The following YTHDF2 variants were observed in gnomAD, a reference collection of about 807,000 sequenced individuals.
The protein encoded by YTHDF2 is YTH N6-methyladenosine RNA binding protein F2.
Under a neutral mutation model 50.4 loss-of-function variants are expected in YTHDF2, and 2 were observed. That is an observed-to-expected ratio of 0.04 (90% CI 0.02 to 0.12). YTHDF2 has a LOEUF of 0.12. Among genes scored for constraint, YTHDF2 ranks in the 10% least tolerant of loss-of-function variants. YTHDF2 has a pLI of 1.00. For synonymous variants in YTHDF2, 217 were observed against 255.6 expected (o/e 0.85, Z 1.44); for missense variants, 483 against 722.6 (o/e 0.67, Z 3.80).
chr1:28,753,023 T>TG (rs1167218532), intron 4 of YTHDF2, among the ~76,000 whole-genome samples: 1 of 151,694 alleles, frequency 6.6e-6, no homozygotes, highest in Non-Finnish European at 1.5e-5. Context: ...CCAGCCTGGG[T>TG]GACAGCAGGA....
chr1:28,738,519 G>T (rs1386573164), intron 3 of YTHDF2, among the ~76,000 whole-genome samples, 181 bp downstream of exon 3: 2 of 151,886 alleles, frequency 1.3e-5, no homozygotes, highest in Admixed American at 6.6e-5. Flanking sequence ...ATTTCGGCTC[G>T]CTCCAACTTC....
chr1:28,754,949 C>T (rs987129646), intron 4 of YTHDF2, among the ~76,000 whole-genome samples: 2 of 129,830 alleles, frequency 1.5e-5, no homozygotes, highest in Non-Finnish European at 3.1e-5. Context: ...TGCATTCCAG[C>T]CTGGGTGACA....
intron 4 of YTHDF2, among the ~76,000 whole-genome samples, chr1:28,754,621 A>G (rs532294255): frequency 1.3e-5 from 2 of 152,132 alleles, no homozygotes; most frequent in African/African-American, 4.8e-5. Context: ...CAGGAGTTCA[A>G]GACCAGCCTG....
upstream of YTHDF2, chr1:28,736,875 G>T: frequency 6.1e-6 from 3 of 491,654 alleles, no homozygotes; most frequent in Non-Finnish European, 7.2e-6. Context: ...TCGGCGCTCT[G>T]CTTTAGGCGG....
chr1:28,751,981 C>G (rs1456400004), intron 4 of YTHDF2, among the ~76,000 whole-genome samples: 2 of 152,166 alleles, frequency 1.3e-5, no homozygotes, highest in Admixed American at 6.5e-5. Flanking sequence ...GCTATCTTAT[C>G]TAACACTGTA....
intron 4 of YTHDF2, among the ~76,000 whole-genome samples, chr1:28,764,354 C>T (rs1368803726): frequency 6.6e-6 from 1 of 151,964 alleles, no homozygotes; most frequent in Non-Finnish European, 1.5e-5. Context: ...TCACTGCATC[C>T]CCTGCCTCCT....
intron 4 of YTHDF2, among the ~76,000 whole-genome samples, chr1:28,751,331 A>G (rs906052973): frequency 1.3e-5 from 2 of 152,176 alleles, no homozygotes; most frequent in African/African-American, 4.8e-5. Context: ...ATCCTTAGGA[A>G]GTAAATAACC....
In YTHDF2 at chr1:28,738,358, C is replaced by A; in HGVS notation, c.132+20C>A. 6.3e-7 allele frequency: 1 copy of A among 1,576,260 alleles called. No homozygotes were observed. Among genetic ancestry groups the A allele is most frequent in the Non-Finnish European group, 8.7e-7 (1 of 1,145,856 alleles). On this transcript the variant is annotated intron_variant, in intron 3 of 4. Transcript: ENST00000373812. ...AGGCCCGTGAGTAGTTAACTATTTA[C>A]ATATCTAATCGAAGGGTGTGGTATA... is the stretch of plus-strand genomic sequence containing the variant.
rs550956079 is a variant in YTHDF2 at position 28,753,704 on chromosome 1, C to CT, written c.1716+9735dup. Among the ~76,000 whole-genome samples the CT allele has an allele frequency of 6.3e-3, 840 of 132,484 alleles. 6 individuals are homozygous for CT. Among genetic ancestry groups the CT allele is most frequent in the South Asian group, 0.017 (68 of 4,090 alleles). 86.9% of individuals were successfully genotyped at this position (132,484 alleles called of 152,430 possible). Reference sequence around the variant, plus strand: ...ATATGAAGAGTTTCAGGATTTTATTCTTTTTTTTTTTTTTTTTCTGAGACA... The same window carrying CT: ...ATATGAAGAGTTTCAGGATTTTATTCTTTTTTTTTTTTTTTTTTCTGAGACA... On this transcript the variant is annotated intron_variant, in intron 4 of 4. Coordinates refer to ENST00000373812, the MANE Select transcript of YTHDF2 (RefSeq NM_016258.3).
intron 4 of YTHDF2, among the ~76,000 whole-genome samples, chr1:28,768,624 T>C (rs2088256821): frequency 6.6e-6 from 1 of 152,172 alleles, no homozygotes; most frequent in Admixed American, 6.5e-5. Flanking sequence ...TCATGTATGT[T>C]TGGGTTACTT....
chr1:28,737,380 C>T (rs1309001100), intron 1 of YTHDF2: 9 of 627,968 alleles, frequency 1.4e-5, no homozygotes, highest in African/African-American at 5.9e-5. Context: ...TCCCTTCTCT[C>T]GGCGGGCCTC....
intron 4 of YTHDF2, among the ~76,000 whole-genome samples, chr1:28,764,609 A>G (rs1465509268): frequency 1.3e-5 from 2 of 151,428 alleles, no homozygotes; most frequent in East Asian, 3.9e-4. Flanking sequence ...GGGTTTTGCC[A>G]TGTTGGCCAT....
chr1:28,757,542 GTAC>G (rs1210396693), intron 4 of YTHDF2, among the ~76,000 whole-genome samples: 1 of 152,150 alleles, frequency 6.6e-6, no homozygotes, highest in Non-Finnish European at 1.5e-5. Flanking sequence ...ATCACTTGGT[GTAC>G]TACATGAAGC....
intron 3 of YTHDF2, 58 bp from the exon 4 acceptor site, chr1:28,742,345 G>T: frequency 6.6e-7 from 1 of 1,516,164 alleles, no homozygotes; most frequent in Non-Finnish European, 8.8e-7. Context: ...GGTGGGGGGA[G>T]GAAATAGCCT....
chr1:28,742,000 T>TA (rs1433311999), intron 3 of YTHDF2, among the ~76,000 whole-genome samples: 1 of 151,704 alleles, frequency 6.6e-6, no homozygotes, highest in Non-Finnish European at 1.5e-5. Flanking sequence ...TCTTATGATA[T>TA]AAAAAATGCC....
chr1:28,766,177 T>C (rs2088212956), intron 4 of YTHDF2, among the ~76,000 whole-genome samples: 1 of 152,212 alleles, frequency 6.6e-6, no homozygotes, highest in South Asian at 2.1e-4. Context: ...CGATCATGGC[T>C]CACTGCTGCC....
intron 4 of YTHDF2, among the ~76,000 whole-genome samples, chr1:28,744,681 A>T (rs2087831804): frequency 6.6e-6 from 1 of 152,078 alleles, no homozygotes; most frequent in Non-Finnish European, 1.5e-5. Context: ...ATTTATACTT[A>T]CTTTTTTTTG....
chr1:28,754,146 A>G (rs947132449), intron 4 of YTHDF2, among the ~76,000 whole-genome samples: 1 of 152,240 alleles, frequency 6.6e-6, no homozygotes, highest in Non-Finnish European at 1.5e-5. Flanking sequence ...GTACTTTCAT[A>G]GCCTTACTTT....
At chr1:28,744,227 A>G (rs1311044709) in intron 4 of YTHDF2, among the ~76,000 whole-genome samples, 1 of 152,226 alleles carries the variant, frequency 6.6e-6, no homozygotes, top group Non-Finnish European at 1.5e-5. Context: ...AGTACAAGGA[A>G]ATCAGACAGA....
Sources: allele counts gnomAD v4.1 joint callset (sites outside exome capture counted in the v4.1 genomes callset), GRCh38; gene constraint gnomAD v4.1.1; transcripts MANE v1.5; gene names NCBI Gene and HGNC (gene_info 2026-07-23, HGNC 2026-07-21).